The following ARFGEF3 variants were observed in gnomAD, a reference collection of about 807,000 sequenced individuals.
ARFGEF3 encodes the protein ARFGEF family member 3.
ARFGEF3 carries 96 observed loss-of-function variants against 221.7 expected under a neutral mutation model. That is an observed-to-expected ratio of 0.43 (90% CI 0.37 to 0.51). The LOEUF (loss-of-function observed/expected upper bound fraction) is 0.51. Among genes scored for constraint, ARFGEF3 ranks in the 20% least tolerant of loss-of-function variants. The probability of loss-of-function intolerance (pLI) is 0.00; values close to 1 mark genes in which losing one functional copy is unlikely to be tolerated. For synonymous variants in ARFGEF3, 1,145 were observed against 1,126.8 expected (o/e 1.02, Z -0.32); for missense variants, 2,410 against 2,789.9 (o/e 0.86, Z 3.07).
chr6:138,272,572 C>A (rs1237860433), intron 12 of ARFGEF3, among the ~76,000 whole-genome samples: 1 of 152,232 alleles, frequency 6.6e-6, no homozygotes, highest in Non-Finnish European at 1.5e-5. Context: ...CTGCTTATCT[C>A]AGCCTGGTGT....
chr6:138,213,744 A>G (rs746494553), intron 4 of ARFGEF3, among the ~76,000 whole-genome samples: 4 of 152,054 alleles, frequency 2.6e-5, no homozygotes, highest in African/African-American at 7.2e-5. Context: ...AACTATTTAA[A>G]TATTAGGATT....
At chr6:138,233,676 C>T (rs114084492) in intron 5 of ARFGEF3, among the ~76,000 whole-genome samples, 2,174 of 152,224 alleles carry the variant, frequency 0.014, 58 homozygotes, top group African/African-American at 0.049. Context: ...CGTACCCGGC[C>T]AATACTTCTT....
intron 5 of ARFGEF3, among the ~76,000 whole-genome samples, chr6:138,233,181 T>C (rs1210823735): frequency 6.6e-6 from 1 of 152,240 alleles, no homozygotes. Context: ...ATGGATAGTG[T>C]ATCTTTTCTG....
At chr6:138,326,261 C>G (rs1780125388) in intron 31 of ARFGEF3, among the ~76,000 whole-genome samples, 1 of 151,826 alleles carries the variant, frequency 6.6e-6, no homozygotes, top group Non-Finnish European at 1.5e-5. Flanking sequence ...ATAATTCTTA[C>G]AAGATTTTGA....
chr6:138,318,612 TACAA>T (rs757036817), intron 27 of ARFGEF3, among the ~76,000 whole-genome samples: 12 of 152,212 alleles, frequency 7.9e-5, no homozygotes, highest in Non-Finnish European at 1.3e-4. Flanking sequence ...CAATTATAAA[TACAA>T]ACACACATGC....
intron 21 of ARFGEF3, 149 bp downstream of exon 21, chr6:138,297,104 G>A (rs567403283): frequency 3.4e-5 from 29 of 845,562 alleles, no homozygotes; most frequent in African/African-American, 3.4e-4. Flanking sequence ...AAACATCACT[G>A]TTTTCTGGTT....
chr6:138,256,564 T>C (rs1297185638), intron 10 of ARFGEF3, among the ~76,000 whole-genome samples: 2 of 152,170 alleles, frequency 1.3e-5, no homozygotes, highest in Non-Finnish European at 2.9e-5. Context: ...TTTGAATTCT[T>C]TCTTGGTGTT....
rs1778831378 is a variant in ARFGEF3, at chr6:138,263,544, C to T, written c.2061C>T (p.Leu687=). The T allele has an allele frequency of 1.9e-6, 3 of 1,613,224 alleles. No individual in the cohort carries two copies. Among genetic ancestry groups the T allele is most frequent in the East Asian group, 2.2e-5 (1 of 44,884 alleles). Residue 687 remains leucine (L), a synonymous_variant, in exon 12 of 34, where the codon CTC becomes CTT. Coordinates refer to ENST00000251691, the MANE Select transcript of ARFGEF3 (RefSeq NM_020340.5). ...IQSLEGLLPR[L]LSLSNVEEVD... Reference sequence around the variant, plus strand: ...CCCTGGAAGGCCTCCTCCCTCGGCTCCTGTCTCTCTCCAATGTAGAGGAGG... The same window carrying T: ...CCCTGGAAGGCCTCCTCCCTCGGCTTCTGTCTCTCTCCAATGTAGAGGAGG...
chr6:138,247,619 C>A (rs530863869), intron 8 of ARFGEF3, among the ~76,000 whole-genome samples: 8 of 152,164 alleles, frequency 5.3e-5, no homozygotes, highest in Non-Finnish European at 8.8e-5. Context: ...ACTACATTAT[C>A]TTTGTTGGAT....
At chr6:138,219,569 G>T (rs1266071228) in intron 4 of ARFGEF3, among the ~76,000 whole-genome samples, 1 of 152,220 alleles carries the variant, frequency 6.6e-6, no homozygotes, top group Admixed American at 6.5e-5. Context: ...ATGCAGAAAG[G>T]TGTGGCTGAG....
chr6:138,262,718 C>A lies in ARFGEF3; in HGVS notation c.1235C>A (p.Thr412Asn). The stretch of plus-strand genomic sequence containing the variant: ...CTGTTTAGCATCATGGATGGCATGA[C>A]CGAAGCATGCATCAAGGGTGGCATC... ...DLLKLIMDGM[T>N]EACIKGGIEA... The change falls in exon 12 of 34, where the codon ACC becomes AAC. Residue 412 changes from threonine (T) to asparagine (N), a missense_variant. By Grantham distance (65) the Thr-to-Asn change is moderately conservative. Coordinates refer to ENST00000251691, the MANE Select transcript of ARFGEF3 (RefSeq NM_020340.5). The A allele has an allele frequency of 6.2e-7, 1 of 1,604,306 alleles. No homozygotes were observed. The highest frequency in any genetic ancestry group is 8.5e-7 in the Non-Finnish European group (1 of 1,172,048).
chr6:138,261,077 G>A (rs941028359), intron 10 of ARFGEF3, among the ~76,000 whole-genome samples: 6 of 152,118 alleles, frequency 3.9e-5, no homozygotes, highest in African/African-American at 1.4e-4. Flanking sequence ...AAGCATTCAA[G>A]GAACAGGGAA....
chr6:138,279,990 T>C lies in ARFGEF3; in HGVS notation c.2296-9T>C, dbSNP rs1779167679. On this transcript the variant is annotated splice_polypyrimidine_tract_variant and intron_variant, in intron 13 of 33. Transcript: ENST00000251691. ...TATGTGGTCACCTTCTCATGCGATCTCTCTGTAGAAGGACTTCATGAAGCA... is the reference window on the plus strand; with the variant it reads ...TATGTGGTCACCTTCTCATGCGATCCCTCTGTAGAAGGACTTCATGAAGCA... 1 of 1,613,558 alleles carries C rather than the reference T, an allele frequency of 6.2e-7. No homozygotes were observed.
chr6:138,214,903 T>A (rs1343663710), intron 4 of ARFGEF3, among the ~76,000 whole-genome samples: 1 of 152,204 alleles, frequency 6.6e-6, no homozygotes, highest in East Asian at 1.9e-4. Context: ...AAAGGCAAGT[T>A]TGATTTATTG....
chr6:138,269,762 G>A (rs1332156410), intron 12 of ARFGEF3, among the ~76,000 whole-genome samples: 3 of 152,076 alleles, frequency 2.0e-5, no homozygotes, highest in Non-Finnish European at 4.4e-5. Flanking sequence ...AGCTGAGATC[G>A]TGCCACTGCA....
chr6:138,257,069 C>T (rs1778697191), intron 10 of ARFGEF3, among the ~76,000 whole-genome samples: 1 of 152,178 alleles, frequency 6.6e-6, no homozygotes, highest in South Asian at 2.1e-4. Flanking sequence ...CCACCATGCC[C>T]AACCATCAAC....
In ARFGEF3 at chr6:138,341,113, T is replaced by C. The variant is rs1049442129; in HGVS notation, c.*4627T>C. On this transcript the variant is annotated 3_prime_UTR_variant, in exon 34 of 34. Coordinates refer to ENST00000251691, the MANE Select transcript of ARFGEF3 (RefSeq NM_020340.5). ...CTATTAACACAGAAGAACATGGCAG[T>C]GTGTGTCTGGAACGGCATGCACAAT... The C allele has an allele frequency of 9.8e-5, 15 of 152,362 alleles. No individual in the cohort carries two copies. The highest frequency in any genetic ancestry group is 3.6e-4 in the African/African-American group (15 of 41,428). 9.4% of individuals were successfully genotyped at this position (152,362 alleles called of 1,614,324 possible). A position where few individuals can be genotyped will look rare whatever the true frequency, so the allele number is the denominator to read the frequency against.
Position 138,278,626 on chromosome 6 carries a change from G to GCCGT in ARFGEF3, c.2295+12_2295+15dup, listed in dbSNP as rs1358186073. 1 of 1,613,146 alleles carries GCCGT rather than the reference G, an allele frequency of 6.2e-7. No homozygotes were observed. The highest frequency in any genetic ancestry group is 8.5e-7 in the Non-Finnish European group (1 of 1,179,642). ...TGGCGCCAGGCGTGATGGTGAGTGT[G>GCCGT]CCGTCCCTCATTGGACTGGCAGAGG... On this transcript the variant is annotated intron_variant, in intron 13 of 33. Coordinates refer to ENST00000251691, the MANE Select transcript of ARFGEF3 (RefSeq NM_020340.5).
At chr6:138,317,119 G>T in intron 26 of ARFGEF3, 132 bp from the exon 27 acceptor site, 2 of 878,182 alleles carry the variant, frequency 2.3e-6, no homozygotes, top group Non-Finnish European at 3.4e-6. Context: ...GCCACTGAAG[G>T]CTAACAACAC....
Sources: gnomAD v4.1 joint callset for allele counts (sites outside exome capture counted in the v4.1 genomes callset) on GRCh38, gnomAD v4.1.1 for gene constraint, MANE v1.5 for transcripts, NCBI Gene and HGNC (gene_info 2026-07-23, HGNC 2026-07-21) for gene names.